DGKK: variants seen among roughly 807,000 people sequenced by gnomAD.
DGKK encodes the protein diacylglycerol kinase kappa, also known as 142 kDa diacylglycerol kinase.
Under a neutral mutation model 92.2 loss-of-function variants are expected in DGKK, and 35 were observed. That is an observed-to-expected ratio of 0.38 (90% CI 0.29 to 0.50). DGKK has a LOEUF of 0.50. DGKK is among the 20% of genes least tolerant of loss of function. DGKK has a pLI of 0.92. For missense variants in DGKK, 910 were observed against 992.2 expected (o/e 0.92, Z 1.11); for synonymous variants, 368 against 360.6 (o/e 1.02, Z -0.23).
intron 9 of DGKK, 53 bp downstream of exon 9, chrX:50,393,099 T>A: frequency 9.8e-7 from 1 of 1,019,002 alleles, no homozygotes; most frequent in East Asian, 3.1e-5. Context: ...TTAGAATGTA[T>A]AGAAGGAAGA....
rs1216424046 is a variant in DGKK at position 50,378,189 on chromosome X, G to T, written c.3020C>A (p.Pro1007Gln). ...CCAGGCCTCCCCATCCACCTGCACT[G>T]GGATACCTTCTTCACCATCAATGGT... is the stretch of plus-strand genomic sequence containing the variant. ...MITIDGEEGIPVQVDGEAWIQ... is the reference protein window; with the variant it reads ...MITIDGEEGIQVQVDGEAWIQ... The change falls in exon 22 of 28, where the codon CCA becomes CAA. Residue 1007 changes from proline (P) to glutamine (Q), a missense_variant. Pro to Gln is a moderately conservative substitution (Grantham distance 76, BLOSUM62 -1). Transcript: ENST00000611977. 8.3e-7 allele frequency: 1 copy of T among 1,210,604 alleles called. No homozygotes were observed. The highest frequency in any genetic ancestry group is 1.1e-6 in the Non-Finnish European group (1 of 894,905).
chrX:50,400,954 A>G (rs1924986042), intron 8 of DGKK, 83 bp downstream of exon 8: 3 of 910,526 alleles, frequency 3.3e-6, no homozygotes, highest in Non-Finnish European at 4.7e-6. Context: ...GAGGAGAATA[A>G]TTTAATTGCA....
At chrX:50,388,387 AG>A (rs1316506489) in intron 13 of DGKK, 139 bp downstream of exon 13, 96 of 468,879 alleles carry the variant, frequency 2.0e-4, no homozygotes, top group Non-Finnish European at 3.2e-4. Flanking sequence ...CTTTCCATTC[AG>A]GGGGTTTGAG....
Position 50,379,994 on chromosome X carries a change from C to T in DGKK, c.2741G>A (p.Arg914Gln), listed in dbSNP as rs1557224285. ...TTTTCCACTAACCTCCAAATGCACT[C>T]GTTCTTCCAGTTTCCTGTAAGAGCG... ...LQRSYRKLEE[R>Q]VHLECDGETI... is the part of the protein sequence containing the mutation. The change falls in exon 19 of 28, where the codon CGA (arginine) becomes CAA (glutamine). Residue 914 changes from arginine to glutamine, a missense_variant. Coordinates refer to ENST00000611977, the MANE Select transcript of DGKK (RefSeq NM_001013742.4). The T allele has an allele frequency of 2.5e-6, 3 of 1,211,342 alleles. No homozygotes were observed. The highest frequency in any genetic ancestry group is 1.7e-5 in the African/African-American group (1 of 57,829).
rs2147156906 is a variant in DGKK, at chrX:50,470,205, C to T, written c.474G>A (p.Val158=). ...GGCAGAACTCTGGGGCCAGCTCTGT[C>T]ACAGGTTCTGGGGTCGGCTCTGGGG... ...ELAPEPTPEP[V]TELAPEFCPE... is the part of the protein sequence containing the mutation. The change falls in exon 1 of 28, where the codon GTG becomes GTA. Residue 158 remains valine, a synonymous_variant. Transcript: ENST00000611977. The T allele has an allele frequency of 8.3e-7, 1 of 1,211,671 alleles. No homozygotes were observed. Among genetic ancestry groups the T allele is most frequent in the South Asian group, 1.8e-5 (1 of 56,939 alleles).
chrX:50,444,381 C>T lies in DGKK; in HGVS notation c.646-20023G>A, dbSNP rs782748358. On this transcript the variant is annotated intron_variant, in intron 1 of 27. Transcript: ENST00000611977. ...CAGGGGTTTGTTGTACAGACTATTT[C>T]GTCACCCAGGTATTAAGCCCAGTAC... Among the ~76,000 whole-genome samples the T allele has an allele frequency of 6.3e-5, 7 of 110,878 alleles. No homozygotes were observed. The East Asian group carries it at 1.7e-3, about 27-fold the overall frequency.
Position 50,470,799 on chromosome X carries a change from A to C in DGKK, c.-121T>G. On this transcript the variant is annotated 5_prime_UTR_variant, in exon 1 of 28. An upstream start codon of the reference 5' UTR is lost. Coordinates refer to ENST00000611977, the MANE Select transcript of DGKK (RefSeq NM_001013742.4). ...CTCGCAGGGTGCCAAACTTTCCCCC[A>C]TCCCACTCCATGGCTGGCTTGGCTC... 2.4e-6 allele frequency: 2 copies of C among 823,553 alleles called. No homozygotes were observed. Among genetic ancestry groups the C allele is most frequent in the Non-Finnish European group, 3.3e-6 (2 of 606,365 alleles). The allele number at this position is 823,553 out of a possible 1,213,427, so 67.9% of individuals were successfully genotyped here.
intron 1 of DGKK, among the ~76,000 whole-genome samples, chrX:50,448,238 C>T (rs1384800158): frequency 9.1e-6 from 1 of 110,082 alleles, no homozygotes; most frequent in East Asian, 2.9e-4. Context: ...AGGCTCTGGC[C>T]CCAATACCAT....
intron 1 of DGKK, among the ~76,000 whole-genome samples, chrX:50,441,207 G>A (rs1165635275): frequency 9.0e-6 from 1 of 111,475 alleles, no homozygotes; most frequent in Non-Finnish European, 1.9e-5. Flanking sequence ...TATGAAAGGG[G>A]ACAGTCTCTC....
At chrX:50,450,604 T>C (rs1569545120) in intron 1 of DGKK, among the ~76,000 whole-genome samples, 1 of 112,226 alleles carries the variant, frequency 8.9e-6, no homozygotes, top group Non-Finnish European at 1.9e-5. Context: ...AACACAGCCA[T>C]TTGACCACAG....
intron 10 of DGKK, among the ~76,000 whole-genome samples, chrX:50,391,961 G>A (rs996703063): frequency 2.7e-5 from 3 of 112,209 alleles, no homozygotes; most frequent in Non-Finnish European, 3.8e-5. Context: ...ACAGTAAGGA[G>A]ACATAGAGGA....
At chrX:50,372,232 A>T (rs1433086783) in intron 25 of DGKK, among the ~76,000 whole-genome samples, 3 of 111,729 alleles carry the variant, frequency 2.7e-5, no homozygotes, top group African/African-American at 9.8e-5. Context: ...TACATACATA[A>T]TTTTGTCCCA....
chrX:50,376,255 G>A, intron 23 of DGKK, 90 bp from the exon 24 acceptor site: 1 of 983,451 alleles, frequency 1.0e-6, no homozygotes. Flanking sequence ...AAGGGTAGAA[G>A]TGAAAGCCCT....
At position 50,393,136 on chromosome X, in the gene DGKK, T is replaced by C; in HGVS notation, c.1595+16A>G. The C allele has an allele frequency of 8.4e-7, 1 of 1,187,684 alleles. No individual in the cohort carries two copies. The highest frequency in any genetic ancestry group is 1.1e-6 in the Non-Finnish European group (1 of 877,017). On this transcript the variant is annotated intron_variant, in intron 9 of 27. Transcript: ENST00000611977. ...TCCCTTACATACCCAATCATATCCA[T>C]GGGATACAGGCTTACCCTGCTTCAG...
In DGKK at chrX:50,376,686, A is replaced by C. The variant is rs782604089; in HGVS notation, c.3272+72T>G. The C allele has an allele frequency of 1.1e-3, 1,122 of 1,016,938 alleles. 1 individual carries two copies. The highest frequency in any genetic ancestry group is 1.5e-3 in the South Asian group (48 of 31,706). The allele number at this position is 1,016,938 out of a possible 1,213,427, so 83.8% of individuals were successfully genotyped here. A position where few individuals can be genotyped will look rare whatever the true frequency, so the allele number is the denominator to read the frequency against. On this transcript the variant is annotated intron_variant, in intron 23 of 27. Coordinates refer to ENST00000611977, the MANE Select transcript of DGKK (RefSeq NM_001013742.4). ...GAGGCCAGGCTCCCTAGTAGCCAAT[A>C]GACACAAATTGGCTTCTTCTCCCTA...
At chrX:50,371,991 G>C (rs782139565) in intron 25 of DGKK, among the ~76,000 whole-genome samples, 157 bp from the exon 26 acceptor site, 12 of 111,681 alleles carry the variant, frequency 1.1e-4, no homozygotes, top group Non-Finnish European at 2.1e-4. Flanking sequence ...TTTCTCAAAA[G>C]GAATATCCAG....
At chrX:50,420,363 C>G (rs1569544741) in intron 4 of DGKK, 40 bp downstream of exon 4, 1 of 1,129,022 alleles carries the variant, frequency 8.9e-7, no homozygotes, top group South Asian at 1.9e-5. Context: ...TAATTATTTA[C>G]CTATTAAGAA....
intron 4 of DGKK, among the ~76,000 whole-genome samples, chrX:50,405,974 A>G (rs1925142519): frequency 9.0e-6 from 1 of 111,479 alleles, no homozygotes; most frequent in Admixed American, 9.5e-5. Flanking sequence ...TCCTCCAATA[A>G]TTACTAAGAA....
chrX:50,394,531 A>G (rs782652816), intron 8 of DGKK, among the ~76,000 whole-genome samples: 3 of 111,856 alleles, frequency 2.7e-5, no homozygotes, highest in Non-Finnish European at 5.6e-5. Context: ...ACTTTCCCCG[A>G]ATACATTATC....
Sources: allele counts gnomAD v4.1 joint callset (sites outside exome capture counted in the v4.1 genomes callset), GRCh38; gene constraint gnomAD v4.1.1; transcripts MANE v1.5; gene names NCBI Gene and HGNC (gene_info 2026-07-23, HGNC 2026-07-21).